The following JMJD1C variants were observed in gnomAD, a reference collection of about 807,000 sequenced individuals.
JMJD1C encodes the protein jumonji domain-containing protein 1C.
JMJD1C carries 31 observed loss-of-function variants against 245.3 expected under a neutral mutation model. The observed-to-expected ratio is 0.13, with a 90% CI of 0.09 to 0.17. The LOEUF (loss-of-function observed/expected upper bound fraction) is 0.17. Ranked by LOEUF, JMJD1C falls within the 10% of genes least tolerant of loss-of-function variation. JMJD1C has a pLI of 1.00. For synonymous variants in JMJD1C, 1,057 were observed against 1,017.4 expected (o/e 1.04, Z -0.74); for missense variants, 2,691 against 3,000.2 (o/e 0.90, Z 2.41).
chr10:63,360,189 G>A (rs1589577413), intron 2 of JMJD1C, among the ~76,000 whole-genome samples: 2 of 152,016 alleles, frequency 1.3e-5, no homozygotes, highest in Admixed American at 6.6e-5. Context: ...TGGTGGTGGT[G>A]CATTCTTAGA....
chr10:63,448,555 AC>A (rs1249678648), intron 1 of JMJD1C, among the ~76,000 whole-genome samples: 2 of 152,098 alleles, frequency 1.3e-5, no homozygotes, highest in African/African-American at 4.8e-5. Flanking sequence ...TATTTCCTCA[AC>A]CCTATCAATG....
chr10:63,196,845 G>A (rs1845513413), intron 13 of JMJD1C, among the ~76,000 whole-genome samples: 1 of 152,136 alleles, frequency 6.6e-6, no homozygotes, highest in African/African-American at 2.4e-5. Context: ...CACCCAGGCT[G>A]GAGTGCAATG....
chr10:63,235,423 C>T (rs1850617758), intron 3 of JMJD1C, among the ~76,000 whole-genome samples: 1 of 151,870 alleles, frequency 6.6e-6, no homozygotes, highest in Non-Finnish European at 1.5e-5. Flanking sequence ...CTTGAACCCG[C>T]GAGGCAGAGG....
chr10:63,377,866 C>T (rs764054995), intron 2 of JMJD1C, among the ~76,000 whole-genome samples: 3 of 151,258 alleles, frequency 2.0e-5, no homozygotes, highest in Non-Finnish European at 4.4e-5. Flanking sequence ...CCACTGCACT[C>T]CAGCCTGTGT....
Position 63,168,418 on chromosome 10 carries a change from G to C in JMJD1C, c.7533+17C>G, listed in dbSNP as rs751861560. 4.4e-6 allele frequency: 7 copies of C among 1,594,584 alleles called. No homozygotes were observed. Among genetic ancestry groups the C allele is most frequent in the Non-Finnish European group, 6.0e-6 (7 of 1,173,900 alleles). Reference sequence around the variant, plus strand: ...TAAAAAGCCTGAAGAACAGGACCTAGAACACCCAACTCTTACCTGTAGTTT... The same window carrying C: ...TAAAAAGCCTGAAGAACAGGACCTACAACACCCAACTCTTACCTGTAGTTT... On this transcript the variant is annotated intron_variant, in intron 25 of 25. Coordinates refer to ENST00000399262, the MANE Select transcript of JMJD1C (RefSeq NM_032776.3).
chr10:63,457,190 T>G (rs1254855222), intron 1 of JMJD1C, among the ~76,000 whole-genome samples: 1 of 152,176 alleles, frequency 6.6e-6, no homozygotes, highest in Non-Finnish European at 1.5e-5. Flanking sequence ...TTGAAAAGAA[T>G]GGAGACGGGA....
At chr10:63,463,762 A>G (rs540753764) in intron 1 of JMJD1C, among the ~76,000 whole-genome samples, 7 of 152,318 alleles carry the variant, frequency 4.6e-5, no homozygotes, top group African/African-American at 1.7e-4. Flanking sequence ...TATCAATTCA[A>G]CGAGTTTTGA....
intron 1 of JMJD1C, among the ~76,000 whole-genome samples, chr10:63,440,870 T>C (rs562421548): frequency 6.6e-6 from 1 of 152,280 alleles, no homozygotes; most frequent in East Asian, 1.9e-4. Context: ...ACAACCCTTT[T>C]AGGTAAAATA....
chr10:63,449,941 C>T (rs1951938925), intron 1 of JMJD1C, among the ~76,000 whole-genome samples: 1 of 151,900 alleles, frequency 6.6e-6, no homozygotes, highest in South Asian at 2.1e-4. Context: ...AGGGACACTC[C>T]ATCTTCAAAA....
chr10:63,261,504 C>T (rs1224872363), intron 3 of JMJD1C, among the ~76,000 whole-genome samples: 4 of 151,976 alleles, frequency 2.6e-5, no homozygotes. Flanking sequence ...TTTCTTGAAA[C>T]CGGGAGGCGG....
intron 10 of JMJD1C, chr10:63,204,261 C>T (rs2133116805): frequency 2.0e-6 from 2 of 985,266 alleles, no homozygotes; most frequent in East Asian, 1.1e-4. Context: ...GGTCATAAAA[C>T]AGCCTCTCTA....
intron 2 of JMJD1C, among the ~76,000 whole-genome samples, chr10:63,357,568 C>T (rs1249268249): frequency 1.3e-5 from 2 of 151,962 alleles, no homozygotes; most frequent in Non-Finnish European, 2.9e-5. Context: ...TGCCTCCCAA[C>T]GTGCTGGGAT....
chr10:63,235,370 G>C (rs539732635), intron 3 of JMJD1C, among the ~76,000 whole-genome samples: 1 of 152,060 alleles, frequency 6.6e-6, no homozygotes, highest in East Asian at 1.9e-4. Context: ...GGTGGCAAGC[G>C]CCTGTAATCC....
chr10:63,417,961 T>C (rs1266306170), intron 1 of JMJD1C, among the ~76,000 whole-genome samples: 1 of 152,208 alleles, frequency 6.6e-6, no homozygotes, highest in African/African-American at 2.4e-5. Context: ...AATGACTTTA[T>C]AGAGGCTTAA....
At chr10:63,231,372 G>C (rs1849965831) in intron 3 of JMJD1C, among the ~76,000 whole-genome samples, 1 of 152,148 alleles carries the variant, frequency 6.6e-6, no homozygotes, top group Non-Finnish European at 1.5e-5. Context: ...AATTAGCCTG[G>C]TGGCCTTAAG....
chr10:63,418,529 A>G (rs1949927543), intron 1 of JMJD1C, among the ~76,000 whole-genome samples: 1 of 152,210 alleles, frequency 6.6e-6, no homozygotes, highest in African/African-American at 2.4e-5. Context: ...CTCAAAGGAA[A>G]GGATACCTTC....
Position 63,289,927 on chromosome 10 carries a change from A to G in JMJD1C, c.334-25163T>C, listed in dbSNP as rs1228910399. 3.3e-5 allele frequency among the ~76,000 whole-genome samples: 5 copies of G among 152,082 alleles called. No homozygotes were observed. The East Asian group carries it at 9.6e-4, about 29-fold the overall frequency. On this transcript the variant is annotated intron_variant, in intron 2 of 25. Coordinates refer to ENST00000399262, the MANE Select transcript of JMJD1C (RefSeq NM_032776.3). The stretch of plus-strand genomic sequence containing the variant: ...CCCATGTTACTTATAAAATTTAAAT[A>G]TATAATAAAAGAGTATGAAAATCAC...
intron 2 of JMJD1C, among the ~76,000 whole-genome samples, chr10:63,279,830 CA>C (rs1290932244): frequency 6.6e-6 from 1 of 152,120 alleles, no homozygotes; most frequent in East Asian, 1.9e-4. Context: ...ATTACATATA[CA>C]TTTTTAAATG....
At position 63,167,809 on chromosome 10, in the gene JMJD1C, T is replaced by C. The variant is rs1003162485; in HGVS notation, c.*236A>G. On this transcript the variant is annotated 3_prime_UTR_variant, in exon 26 of 26. Transcript: ENST00000399262. ...ATTTTCACAAACATCATATACACTATAATACAAAACAGCTATATAGTGCTG... is the reference window on the plus strand; with the variant it reads ...ATTTTCACAAACATCATATACACTACAATACAAAACAGCTATATAGTGCTG... 1.9e-5 allele frequency: 8 copies of C among 418,488 alleles called. No individual in the cohort carries two copies. Among genetic ancestry groups the C allele is most frequent in the African/African-American group, 4.0e-5 (2 of 50,486 alleles). The allele number at this position is 418,488 out of a possible 1,614,324, so 25.9% of individuals were successfully genotyped here.
Sources: allele counts gnomAD v4.1 joint callset (sites outside exome capture counted in the v4.1 genomes callset), GRCh38; gene constraint gnomAD v4.1.1; transcripts MANE v1.5; gene names NCBI Gene and HGNC (gene_info 2026-07-23, HGNC 2026-07-21).